Variants in PLXNB1 observed in about 807,000 individuals in gnomAD.
The protein encoded by PLXNB1 is plexin B1.
Under a neutral mutation model 209.4 loss-of-function variants are expected in PLXNB1, and 106 were observed. That is an observed-to-expected ratio of 0.51 (90% CI 0.43 to 0.59). The LOEUF is 0.59. Among genes scored for constraint, PLXNB1 ranks in the 20% least tolerant of loss-of-function variants. PLXNB1 has a pLI of 0.00. For missense variants in PLXNB1, 2,357 were observed against 2,853.2 expected (o/e 0.83, Z 3.96); for synonymous variants, 1,167 against 1,183.2 (o/e 0.99, Z 0.28).
In PLXNB1 at chr3:48,410,860, G is replaced by A. The variant is rs1242571374; in HGVS notation, c.5416+8C>T. On this transcript the variant is annotated splice_region_variant and intron_variant, in intron 29 of 37. Coordinates refer to ENST00000296440, the MANE Select transcript of PLXNB1 (RefSeq NM_001130082.3). This position sits in a 1 kb window ranked among gnomAD's most constrained non-coding sequence, Gnocchi z 6.4. Reference sequence around the variant, plus strand: ...GCTCAGGTCCCCAGGGGCTCTCCACGCCCTCACCAACATCAAGGGTGCGAG... The same window carrying A: ...GCTCAGGTCCCCAGGGGCTCTCCACACCCTCACCAACATCAAGGGTGCGAG... 5 of 1,605,704 alleles carry A rather than the reference G, an allele frequency of 3.1e-6. No individual in the cohort carries two copies. Among genetic ancestry groups the A allele is most frequent in the Non-Finnish European group, 4.3e-6 (5 of 1,176,366 alleles).
Position 48,405,638 on chromosome 3 carries a change from C to T in PLXNB1, c.6303+86G>A, listed in dbSNP as rs1575373561. ...CTGTCCCTGGGGAAGACCAAAGCCCCCAACGTGAGTCACAGGGTCAGAGCC... is the reference window on the plus strand; with the variant it reads ...CTGTCCCTGGGGAAGACCAAAGCCCTCAACGTGAGTCACAGGGTCAGAGCC... On this transcript the variant is annotated intron_variant, in intron 37 of 37. Transcript: ENST00000296440. The surrounding 1 kb of genome is among the most constrained non-coding windows in gnomAD (Gnocchi z 5.0). 4 of 1,069,006 alleles carry T rather than the reference C, an allele frequency of 3.7e-6. No individual in the cohort carries two copies. Among genetic ancestry groups the T allele is most frequent in the Non-Finnish European group, 5.6e-6 (4 of 711,322 alleles). 66.2% of individuals were successfully genotyped at this position (1,069,006 alleles called of 1,614,324 possible).
At chr3:48,426,647 C>T (rs1038330265) in intron 1 of PLXNB1, among the ~76,000 whole-genome samples, 1 of 152,166 alleles carries the variant, frequency 6.6e-6, no homozygotes, top group Non-Finnish European at 1.5e-5. Context: ...CCGGTGGGAG[C>T]AGGGGGGCCG....
Position 48,410,073 on chromosome 3 carries a change from G to A in PLXNB1, c.5610C>T (p.Thr1870=). The part of the protein sequence containing the change: ...ENQDYVPGER[T]PMLEDVDEGG... Reference sequence around the variant, plus strand: ...CCTCATCTACATCCTCCAGCATTGGGGTCCCTGTGCCAAGAGCCCACAGCT... The same window carrying A: ...CCTCATCTACATCCTCCAGCATTGGAGTCCCTGTGCCAAGAGCCCACAGCT... Residue 1870 remains threonine (T), a synonymous_variant, in exon 32 of 38, where the codon ACC becomes ACT. Transcript: ENST00000296440. The surrounding 1 kb of genome is among the most constrained non-coding windows in gnomAD (Gnocchi z 6.4). The A allele has an allele frequency of 6.3e-7, 1 of 1,583,670 alleles. No homozygotes were observed. The highest frequency in any genetic ancestry group is 8.6e-7 in the Non-Finnish European group (1 of 1,162,496).
In PLXNB1 at chr3:48,421,795, C is replaced by T. The variant is rs766055233; in HGVS notation, c.1532G>A (p.Arg511His). 37 of 1,598,766 alleles carry T rather than the reference C, an allele frequency of 2.3e-5. 1 individual carries two copies. The highest frequency in any genetic ancestry group is 2.7e-5 in the African/African-American group (2 of 74,634). The change falls in exon 7 of 38, where the codon CGT becomes CAT. Residue 511 changes from arginine (R) to histidine (H), a missense_variant. By Grantham distance (29) the Arg-to-His change is conservative. Coordinates refer to ENST00000296440, the MANE Select transcript of PLXNB1 (RefSeq NM_001130082.3). Reference protein sequence around the residue: ...WCVLLGRCSRRSECSRGQGPE... With the variant: ...WCVLLGRCSRHSECSRGQGPE... ...GCCCTGGCCCCTCGAGCACTCAGAA[C>T]GGCGACTGCACCTGGGCGAGATGAC...
In PLXNB1 at chr3:48,411,058, C is replaced by T. The variant is rs200827824; in HGVS notation, c.5248-22G>A. ...AGGTCTGTGCAGGACACACAGGAGC[C>T]ATCAGGGTTCATGTGCACTCAGGAT... On this transcript the variant is annotated intron_variant, in intron 28 of 37. Transcript: ENST00000296440. This position sits in a 1 kb window ranked among gnomAD's most constrained non-coding sequence, Gnocchi z 4.0. 8.1e-6 allele frequency: 13 copies of T among 1,597,688 alleles called. No homozygotes were observed. The East Asian group carries it at 2.7e-4, about 33-fold the overall frequency.
chr3:48,406,704 C>G lies in PLXNB1; in HGVS notation c.6228+119G>C. On this transcript the variant is annotated intron_variant, in intron 36 of 37. Transcript: ENST00000296440. The surrounding 1 kb of genome is among the most constrained non-coding windows in gnomAD (Gnocchi z 4.4). Reference sequence around the variant, plus strand: ...TCTGCATTTATGTTTCCTGCCCCAACCAGCTCACAGGGCTGCTGAGGTTCC... The same window carrying G: ...TCTGCATTTATGTTTCCTGCCCCAAGCAGCTCACAGGGCTGCTGAGGTTCC... 1.4e-6 allele frequency: 2 copies of G among 1,452,194 alleles called. No individual in the cohort carries two copies. Among genetic ancestry groups the G allele is most frequent in the South Asian group, 1.4e-5 (1 of 69,032 alleles). The allele number at this position is 1,452,194 out of a possible 1,614,324, so 90.0% of individuals were successfully genotyped here. A position where few individuals can be genotyped will look rare whatever the true frequency, so the allele number is the denominator to read the frequency against.
Position 48,419,262 on chromosome 3 carries a change from C to CCT in PLXNB1, c.2812_2813dup (p.Asn939GlyfsTer16). ...CACTGACCTGGAAAAGGTGCAGGTT[C>CCT]CTGCCTAGCAGCCGGATTTCCCGCT... On this transcript the variant is annotated frameshift_variant, in exon 12 of 38. Coordinates refer to ENST00000296440, the MANE Select transcript of PLXNB1 (RefSeq NM_001130082.3). LOFTEE classifies it high-confidence loss of function. The surrounding 1 kb of genome is among the most constrained non-coding windows in gnomAD (Gnocchi z 5.7). The CCT allele has an allele frequency of 6.3e-7, 1 of 1,587,478 alleles. No homozygotes were observed.
rs761416870 is a variant in PLXNB1, at chr3:48,422,355, G to A, written c.1395C>T (p.His465=). 1 of 1,610,122 alleles carries A rather than the reference G, an allele frequency of 6.2e-7. No individual in the cohort carries two copies. Among genetic ancestry groups the A allele is most frequent in the African/African-American group, 1.3e-5 (1 of 74,854 alleles). The change falls in exon 5 of 38, where the codon CAC becomes CAT. Residue 465 remains histidine (H), a synonymous_variant. Coordinates refer to ENST00000296440, the MANE Select transcript of PLXNB1 (RefSeq NM_001130082.3). ...CTGTGCTCTGGGTCATGACATACAG[G>A]TGCTCAAAGGTCCCATCAAAGGTGA... ...RDLTFDGTFE[H]LYVMTQSTLL...
At chr3:48,425,811 C>T (rs957164792) in intron 1 of PLXNB1, among the ~76,000 whole-genome samples, 10 of 150,670 alleles carry the variant, frequency 6.6e-5, no homozygotes, top group African/African-American at 2.5e-4. Flanking sequence ...CTACAACACA[C>T]ACACACACAC....
In PLXNB1 at chr3:48,415,325, G is replaced by A. The variant is rs777440373; in HGVS notation, c.3817C>T (p.Arg1273Cys). 21 of 1,613,396 alleles carry A rather than the reference G, an allele frequency of 1.3e-5. No individual in the cohort carries two copies. Among genetic ancestry groups the A allele is most frequent in the Middle Eastern group, 1.6e-4 (1 of 6,084 alleles). The stretch of plus-strand genomic sequence containing the variant: ...TGTACCACGTCCAGATTCTGGCCAC[G>A]GACGCATATCTCACGTCCTCCACTG... ...FLSGGREICV[R>C]GQNLDVVQTP... The change falls in exon 20 of 38, where the codon CGT becomes TGT. Residue 1273 changes from arginine (R) to cysteine (C), a missense_variant. By Grantham distance (180) the Arg-to-Cys change is radical. This residue lies in a region of PLXNB1 where 743 missense variants were observed against 896.2 expected (regional missense o/e 0.83). Transcript: ENST00000296440. This position sits in a 1 kb window ranked among gnomAD's most constrained non-coding sequence, Gnocchi z 5.0.
In PLXNB1 at chr3:48,421,709, T is replaced by C. The variant is rs1034541833; in HGVS notation, c.1618A>G (p.Ser540Gly). 1 of 1,609,736 alleles carries C rather than the reference T, an allele frequency of 6.2e-7. No individual in the cohort carries two copies. Among genetic ancestry groups the C allele is most frequent in the Non-Finnish European group, 8.5e-7 (1 of 1,176,514 alleles). The change falls in exon 7 of 38, where the codon AGT becomes GGT. Residue 540 changes from serine to glycine, a missense_variant. Transcript: ENST00000296440. ...TCCTCTCGGCTGATGTTGGCAGGACTCATGGCTGCCACTTGCAGACAGCCC... is the reference window on the plus strand; with the variant it reads ...TCCTCTCGGCTGATGTTGGCAGGACCCATGGCTGCCACTTGCAGACAGCCC... ...ELGCLQVAAM[S>G]PANISREETR...
chr3:48,418,382 C>G lies in PLXNB1; in HGVS notation c.3050-19G>C, dbSNP rs2038239785. 4 of 1,613,508 alleles carry G rather than the reference C, an allele frequency of 2.5e-6. No individual in the cohort carries two copies. Among genetic ancestry groups the G allele is most frequent in the Non-Finnish European group, 3.4e-6 (4 of 1,180,012 alleles). On this transcript the variant is annotated intron_variant, in intron 14 of 37. Transcript: ENST00000296440. The surrounding 1 kb of genome is among the most constrained non-coding windows in gnomAD (Gnocchi z 6.6). ...AGTACCACTGGGGGTGGCAGAGACA[C>G]ACGTGAGAGGCAGGCCTGGGAGAGC...
At position 48,419,744 on chromosome 3, in the gene PLXNB1, C is replaced by T. The variant is rs760372534; in HGVS notation, c.2542G>A (p.Glu848Lys). ...ALDWLTREGG[E>K]LPEADEWTGG... Reference sequence around the variant, plus strand: ...GTCCACTCGTCCGCCTCGGGCAGCTCGCCGCCTTCTCTCGTGAGCCAGTCC... The same window carrying T: ...GTCCACTCGTCCGCCTCGGGCAGCTTGCCGCCTTCTCTCGTGAGCCAGTCC... The change falls in exon 11 of 38, where the codon GAG (glutamate) becomes AAG (lysine). Residue 848 changes from glutamate (E) to lysine (K), a missense_variant. Transcript: ENST00000296440. This position sits in a 1 kb window ranked among gnomAD's most constrained non-coding sequence, Gnocchi z 5.7. 5 of 1,610,046 alleles carry T rather than the reference C, an allele frequency of 3.1e-6. No individual in the cohort carries two copies. The highest frequency in any genetic ancestry group is 1.7e-4 in the Middle Eastern group (1 of 6,046).
In PLXNB1 at chr3:48,412,871, G is replaced by T. The variant is rs372729429; in HGVS notation, c.4725C>A (p.Ile1575=). 2 of 1,613,846 alleles carry T rather than the reference G, an allele frequency of 1.2e-6. No homozygotes were observed. The highest frequency in any genetic ancestry group is 2.2e-5 in the East Asian group (1 of 44,892). Residue 1575 remains isoleucine (I), a synonymous_variant, in exon 25 of 38, where the codon ATC becomes ATA. Coordinates refer to ENST00000296440, the MANE Select transcript of PLXNB1 (RefSeq NM_001130082.3). The stretch of plus-strand genomic sequence containing the variant: ...GCGACTCGCGGTGCCCAGGGAAGAA[G>T]ATCCTCTCCGCATACACCTTGTAGT... ...FLDYKVYAER[I]FFPGHRESPL...
In PLXNB1 at chr3:48,411,802, C is replaced by T; in HGVS notation, c.5247+61G>A. The T allele has an allele frequency of 6.3e-7, 1 of 1,576,098 alleles. No individual in the cohort carries two copies. Among genetic ancestry groups the T allele is most frequent in the Non-Finnish European group, 8.6e-7 (1 of 1,156,894 alleles). On this transcript the variant is annotated intron_variant, in intron 28 of 37. Coordinates refer to ENST00000296440, the MANE Select transcript of PLXNB1 (RefSeq NM_001130082.3). This position sits in a 1 kb window ranked among gnomAD's most constrained non-coding sequence, Gnocchi z 4.0. The stretch of plus-strand genomic sequence containing the variant: ...GGTGTCCAGACCCCACACACCCACA[C>T]ACTCTCCACCCTCGCCCTCACCGCA...
At position 48,423,683 on chromosome 3, in the gene PLXNB1, G is replaced by A. The variant is rs142876524; in HGVS notation, c.929C>T (p.Ser310Leu). 547 of 1,613,784 alleles carry A rather than the reference G, an allele frequency of 3.4e-4. 3 individuals are homozygous for A. The African/African-American group carries it at 6.4e-3, about 19-fold the overall frequency. The change falls in exon 3 of 38, where the codon TCG (serine) becomes TTG (leucine). Residue 310 changes from serine (S) to leucine (L), a missense_variant. By Grantham distance (145) the Ser-to-Leu change is moderately radical (BLOSUM62 -2). Around this residue, in one of 7 missense-constraint regions of PLXNB1, gnomAD observed 404 missense variants for 443.6 expected, o/e 0.91. Transcript: ENST00000296440. ...GGCTCCAGATGCCCCAGCAGCCGCCGATGGGGGCCGGCCCACAGTGGGGGG... is the reference window on the plus strand; with the variant it reads ...GGCTCCAGATGCCCCAGCAGCCGCCAATGGGGGCCGGCCCACAGTGGGGGG... ...AAPPTVGRPPSAAAGASGASA... is the reference protein window; with the variant it reads ...AAPPTVGRPPLAAAGASGASA...
chr3:48,426,412 T>C (rs1157456954), intron 1 of PLXNB1, among the ~76,000 whole-genome samples: 3 of 152,370 alleles, frequency 2.0e-5, no homozygotes, highest in East Asian at 3.9e-4. Flanking sequence ...ACACTTCCCC[T>C]ACTTGCCTGT....
intron 34 of PLXNB1, among the ~76,000 whole-genome samples, chr3:48,407,973 A>G (rs1290365063): frequency 6.6e-6 from 1 of 152,196 alleles, no homozygotes; most frequent in Non-Finnish European, 1.5e-5. Flanking sequence ...AATGGCTCCC[A>G]AAAGACAGTG....
At position 48,409,953 on chromosome 3, in the gene PLXNB1, G is replaced by A. The variant is rs143280158; in HGVS notation, c.5730C>T (p.Arg1910=). The change falls in exon 32 of 38, where the codon CGC becomes CGT. Residue 1910 remains arginine, a synonymous_variant. Transcript: ENST00000296440. This position sits in a 1 kb window ranked among gnomAD's most constrained non-coding sequence, Gnocchi z 5.8. ...RGSLRGGERE[R]AKAIPEIYLT... ...GGTAGATCTCAGGGATGGCCTTGGC[G>A]CGCTCACGCTCCCCGCCCCGAAGGC... 26 of 1,611,884 alleles carry A rather than the reference G, an allele frequency of 1.6e-5. No homozygotes were observed. Among genetic ancestry groups the A allele is most frequent in the Admixed American group, 1.3e-4 (8 of 59,760 alleles).
Sources: allele counts gnomAD v4.1 joint callset (sites outside exome capture counted in the v4.1 genomes callset), GRCh38; gene constraint gnomAD v4.1.1; regional missense constraint gnomAD v4.1.1; non-coding constraint Gnocchi (gnomAD v3.1); transcripts MANE v1.5; gene names NCBI Gene and HGNC (gene_info 2026-07-23, HGNC 2026-07-21).